TAFA5: variants seen among roughly 807,000 people sequenced by gnomAD.
TAFA5 encodes TAFA chemokine like family member 5, also known as chemokine-like protein TAFA-5.
TAFA5 carries 6 observed loss-of-function variants against 15.3 expected under a neutral mutation model. The ratio of observed to expected loss-of-function variants is 0.39; its 90% confidence interval spans 0.21 to 0.77. TAFA5 has a LOEUF of 0.77. Ranked by LOEUF, TAFA5 falls within the 30% of genes least tolerant of loss-of-function variation. TAFA5 has a pLI of 0.41. For synonymous variants in TAFA5, 103 were observed against 80.7 expected (o/e 1.28, Z -1.48); for missense variants, 161 against 193.1 (o/e 0.83, Z 0.98).
intron 1 of TAFA5, among the ~76,000 whole-genome samples, chr22:48,590,390 T>TTTTATGGCTACCTTCTA (rs1924522130): frequency 6.6e-6 from 1 of 152,220 alleles, no homozygotes; most frequent in African/African-American, 2.4e-5. Flanking sequence ...GTGTATCAGC[T>TTTTATGGCTACCTTCTA]TTTATGGCTA....
At chr22:48,575,396 G>A (rs1923734444) in intron 1 of TAFA5, among the ~76,000 whole-genome samples, 1 of 147,852 alleles carries the variant, frequency 6.8e-6, no homozygotes, top group Non-Finnish European at 1.5e-5. Context: ...GCAGACGGCG[G>A]CGGGCGCGGG....
intron 1 of TAFA5, among the ~76,000 whole-genome samples, chr22:48,625,239 T>C (rs1925987631): frequency 6.6e-6 from 1 of 152,154 alleles, no homozygotes; most frequent in South Asian, 2.1e-4. Context: ...AGGAGATGCA[T>C]GAATGTGTAT....
chr22:48,505,888 A>G (rs1480643317), intron 1 of TAFA5, among the ~76,000 whole-genome samples: 2 of 152,160 alleles, frequency 1.3e-5, no homozygotes, highest in African/African-American at 4.8e-5. Context: ...AAGTCCATAA[A>G]CCAGCTGGGG....
intron 2 of TAFA5, among the ~76,000 whole-genome samples, chr22:48,679,051 C>G (rs1231568747): frequency 7.1e-6 from 1 of 141,138 alleles, no homozygotes. Flanking sequence ...CCCCAGCTCC[C>G]CCTCCATCCC....
At chr22:48,534,617 C>T (rs530014719) in intron 1 of TAFA5, among the ~76,000 whole-genome samples, 2 of 152,322 alleles carry the variant, frequency 1.3e-5, no homozygotes, top group Admixed American at 1.3e-4. Context: ...CCTCCTCCAG[C>T]TTCACTTCCG....
rs201071872 is a variant in TAFA5, at chr22:48,750,261, C to T, written c.*414C>T. On this transcript the variant is annotated 3_prime_UTR_variant, in exon 4 of 4. Coordinates refer to ENST00000402357, the MANE Select transcript of TAFA5 (RefSeq NM_001082967.3). The stretch of plus-strand genomic sequence containing the variant: ...GGACTGTCAGGCACAGAAGCGGCCT[C>T]CTCCCGTGCCCCAGACTGTCCGAAT... 88 of 258,736 alleles carry T rather than the reference C, an allele frequency of 3.4e-4. 1 individual carries two copies. Among genetic ancestry groups the T allele is most frequent in the Admixed American group, 2.0e-4 (4 of 19,664 alleles). The allele number at this position is 258,736 out of a possible 1,614,324, so 16.0% of individuals were successfully genotyped here. A position where few individuals can be genotyped will look rare whatever the true frequency, so the allele number is the denominator to read the frequency against.
rs374050280 is a variant in TAFA5, at chr22:48,546,416, C to T, written c.112+56712C>T. ...GCACTGGATGGCTCTTGGAGGTCCC[C>T]GAGTGACCATCGGACACTGCCCTAT... On this transcript the variant is annotated intron_variant, in intron 1 of 3. Transcript: ENST00000402357. 6.9e-4 allele frequency: 318 copies of T among 458,180 alleles called. 4 individuals carry two copies. Among genetic ancestry groups the T allele is most frequent in the Admixed American group, 2.4e-4 (10 of 41,772 alleles). 28.4% of individuals were successfully genotyped at this position (458,180 alleles called of 1,614,324 possible).
intron 1 of TAFA5, among the ~76,000 whole-genome samples, chr22:48,491,425 T>TG (rs1352267987): frequency 6.6e-6 from 1 of 151,904 alleles, no homozygotes; most frequent in African/African-American, 2.4e-5. Context: ...CAGCAGTGTT[T>TG]GGGGAGGGGC....
chr22:48,600,295 C>T (rs111372837), intron 1 of TAFA5, among the ~76,000 whole-genome samples: 3 of 152,306 alleles, frequency 2.0e-5, no homozygotes, highest in African/African-American at 7.2e-5. Context: ...CTACCACGGG[C>T]AGTAAGGAGG....
At chr22:48,699,969 C>T (rs113101336) in intron 2 of TAFA5, among the ~76,000 whole-genome samples, 212 of 152,228 alleles carry the variant, frequency 1.4e-3, no homozygotes, top group Admixed American at 4.8e-3. Context: ...GGAATTTACA[C>T]GGGGTATTGG....
At chr22:48,517,083 C>T (rs932156561) in intron 1 of TAFA5, among the ~76,000 whole-genome samples, 5 of 152,290 alleles carry the variant, frequency 3.3e-5, no homozygotes, top group African/African-American at 7.2e-5. Flanking sequence ...CACAAAAAGC[C>T]CCGTGCCTAT....
At chr22:48,502,774 G>A (rs1283733878) in intron 1 of TAFA5, among the ~76,000 whole-genome samples, 1 of 152,054 alleles carries the variant, frequency 6.6e-6, no homozygotes, top group Admixed American at 6.6e-5. Flanking sequence ...CGCCCCCCTC[G>A]GTCTCCCAAA....
chr22:48,702,128 A>AGTGT (rs71669916), intron 2 of TAFA5, among the ~76,000 whole-genome samples: 7 of 107,780 alleles, frequency 6.5e-5, no homozygotes, highest in Middle Eastern at 4.3e-3. Context: ...CTTGTGTGTG[A>AGTGT]GTGTGTGTGT....
At chr22:48,516,647 C>T (rs1191747110) in intron 1 of TAFA5, among the ~76,000 whole-genome samples, 1 of 152,222 alleles carries the variant, frequency 6.6e-6, no homozygotes, top group Non-Finnish European at 1.5e-5. Flanking sequence ...TGCTTCATGT[C>T]CCATTGTGTC....
At chr22:48,631,397 T>A (rs183429789) in intron 1 of TAFA5, among the ~76,000 whole-genome samples, 274 of 152,308 alleles carry the variant, frequency 1.8e-3, no homozygotes, top group African/African-American at 6.4e-3. Context: ...TAGACAGGCC[T>A]CTGCCTGGAA....
intron 1 of TAFA5, among the ~76,000 whole-genome samples, chr22:48,627,909 C>T (rs1467081195): frequency 1.3e-5 from 2 of 152,246 alleles, no homozygotes; most frequent in African/African-American, 4.8e-5. Flanking sequence ...GTTGCATATT[C>T]TCCAGATGCT....
At chr22:48,675,904 C>T (rs57924065) in intron 2 of TAFA5, among the ~76,000 whole-genome samples, 46 of 152,378 alleles carry the variant, frequency 3.0e-4, no homozygotes, top group South Asian at 1.2e-3. Flanking sequence ...TGCATCACAG[C>T]GCACCCTGAC....
At chr22:48,643,575 CTGGCCA>C (rs1926760054) in intron 1 of TAFA5, among the ~76,000 whole-genome samples, 1 of 152,210 alleles carries the variant, frequency 6.6e-6, no homozygotes, top group African/African-American at 2.4e-5. Flanking sequence ...TGCCCAGGGG[CTGGCCA>C]TGCCAAAGCC....
chr22:48,605,462 GTAA>G (rs773248995), intron 1 of TAFA5, among the ~76,000 whole-genome samples: 12,783 of 141,970 alleles, frequency 0.09, 816 homozygotes, highest in East Asian at 0.11. Flanking sequence ...AATGGTGATG[GTAA>G]TGATGATGTT....
Sources: gnomAD v4.1 joint callset for allele counts (sites outside exome capture counted in the v4.1 genomes callset) on GRCh38, gnomAD v4.1.1 for gene constraint, MANE v1.5 for transcripts, NCBI Gene and HGNC (gene_info 2026-07-23, HGNC 2026-07-21) for gene names.